The following SUFU variants were observed in gnomAD, a reference collection of about 807,000 sequenced individuals.
SUFU encodes SUFU negative regulator of hedgehog signaling.
In SUFU, 7 loss-of-function variants were observed where a neutral mutation model predicts 58.9. The ratio of observed to expected loss-of-function variants is 0.12; its 90% confidence interval spans 0.07 to 0.22. SUFU has a LOEUF of 0.22. SUFU is among the 10% of genes least tolerant of loss of function. SUFU has a pLI of 1.00. For synonymous variants in SUFU, 232 were observed against 254.8 expected (o/e 0.91, Z 0.85); for missense variants, 451 against 641.3 (o/e 0.70, Z 3.20).
chr10:102,536,315 T>C (rs1473575723), intron 2 of SUFU, among the ~76,000 whole-genome samples: 1 of 151,502 alleles, frequency 6.6e-6, no homozygotes, highest in Non-Finnish European at 1.5e-5. Context: ...ACAAAGAAGT[T>C]TGAAAAACAA....
intron 3 of SUFU, chr10:102,590,949 TATCAC>T (rs1444838891): frequency 2.0e-5 from 3 of 152,196 alleles, no homozygotes; most frequent in Admixed American, 1.3e-4. Context: ...TCCCCTGTAT[TATCAC>T]ATCTCAGATG....
At chr10:102,513,544 A>C (rs1052627074) in intron 2 of SUFU, among the ~76,000 whole-genome samples, 1 of 152,260 alleles carries the variant, frequency 6.6e-6, no homozygotes, top group Non-Finnish European at 1.5e-5. Context: ...AAACATGTAA[A>C]GATGGTTATA....
At chr10:102,554,201 G>A (rs746039941) in intron 3 of SUFU, among the ~76,000 whole-genome samples, 4 of 152,108 alleles carry the variant, frequency 2.6e-5, no homozygotes, top group Non-Finnish European at 5.9e-5. Flanking sequence ...TCAGGAGTTC[G>A]AGACCAGCCT....
At chr10:102,623,290 T>C (rs189240499) in intron 10 of SUFU, among the ~76,000 whole-genome samples, 137 of 152,380 alleles carry the variant, frequency 9.0e-4, no homozygotes, top group Middle Eastern at 3.4e-3. Context: ...TGTCAAGATA[T>C]ATGTATTCAC....
chr10:102,618,979 T>A (rs2063715907), intron 10 of SUFU: 1 of 999,108 alleles, frequency 1.0e-6, no homozygotes, highest in Non-Finnish European at 1.6e-6. Context: ...TGTGTGTGTG[T>A]AATGTTCAAG....
In SUFU at chr10:102,629,398, C is replaced by T. The variant is rs2063817498; in HGVS notation, c.1366-668C>T. Among the ~76,000 whole-genome samples, 1 of 152,168 alleles carries T rather than the reference C, an allele frequency of 6.6e-6. No individual in the cohort carries two copies. The highest frequency in any genetic ancestry group is 2.4e-5 in the African/African-American group (1 of 41,442). On this transcript the variant is annotated intron_variant, in intron 11 of 11. Coordinates refer to ENST00000369902, the MANE Select transcript of SUFU (RefSeq NM_016169.4). This position sits in a 1 kb window ranked among gnomAD's most constrained non-coding sequence, Gnocchi z 4.7. ...TGGGAGACATTTGGCTCTCCTTGGC[C>T]ACCACTGGGACCACTCTGAGGCTGG...
chr10:102,597,528 C>T (rs2063475722), intron 7 of SUFU, among the ~76,000 whole-genome samples: 1 of 152,210 alleles, frequency 6.6e-6, no homozygotes, highest in Non-Finnish European at 1.5e-5. Flanking sequence ...CAGCAGGCAC[C>T]GTTGTGTTTT....
chr10:102,505,368 A>T (rs1456094298), intron 1 of SUFU, among the ~76,000 whole-genome samples: 1 of 152,198 alleles, frequency 6.6e-6, no homozygotes, highest in Admixed American at 6.5e-5. Context: ...GCTGGACCAA[A>T]AACTGAGATA....
intron 2 of SUFU, among the ~76,000 whole-genome samples, chr10:102,515,473 G>A (rs1208975027): frequency 2.0e-5 from 3 of 151,948 alleles, no homozygotes; most frequent in Non-Finnish European, 4.4e-5. Flanking sequence ...ATGCCACCAT[G>A]CCTGGCTAAT....
intron 2 of SUFU, among the ~76,000 whole-genome samples, chr10:102,542,855 G>C (rs1056326170): frequency 6.6e-6 from 1 of 151,928 alleles, no homozygotes; most frequent in Admixed American, 6.6e-5. Context: ...GAATTCCTGG[G>C]CTCAAGCAAT....
At chr10:102,530,071 A>G (rs1030134822) in intron 2 of SUFU, among the ~76,000 whole-genome samples, 1 of 152,126 alleles carries the variant, frequency 6.6e-6, no homozygotes, top group Non-Finnish European at 1.5e-5. Context: ...TTCTTCTCCC[A>G]GTTTTACAGA....
chr10:102,629,973 C>A lies in SUFU; in HGVS notation c.1366-93C>A. On this transcript the variant is annotated intron_variant, in intron 11 of 11. Coordinates refer to ENST00000369902, the MANE Select transcript of SUFU (RefSeq NM_016169.4). The surrounding 1 kb of genome is among the most constrained non-coding windows in gnomAD (Gnocchi z 4.7). ...CTCCCGCGGCCTGTCCTATCCCTAG[C>A]TCCCCGGGGACAGGCCTGGGCAATC... The A allele has an allele frequency of 1.7e-6, 2 of 1,188,664 alleles. No individual in the cohort carries two copies. The highest frequency in any genetic ancestry group is 2.5e-6 in the Non-Finnish European group (2 of 791,932). 73.6% of individuals were successfully genotyped at this position (1,188,664 alleles called of 1,614,324 possible).
chr10:102,544,418 A>C (rs1210427802), intron 2 of SUFU, among the ~76,000 whole-genome samples: 1 of 152,178 alleles, frequency 6.6e-6, no homozygotes. Flanking sequence ...TCCATCTCCC[A>C]GGCCAGGCAC....
intron 8 of SUFU, among the ~76,000 whole-genome samples, chr10:102,614,627 G>A (rs2063664611): frequency 6.6e-6 from 1 of 150,804 alleles, no homozygotes; most frequent in Non-Finnish European, 1.5e-5. Context: ...TATAATCCCA[G>A]CACTTTGGGA....
intron 3 of SUFU, among the ~76,000 whole-genome samples, chr10:102,565,192 T>A (rs956282794): frequency 6.6e-6 from 1 of 152,232 alleles, no homozygotes; most frequent in African/African-American, 2.4e-5. Flanking sequence ...GTAACAAGAA[T>A]GATATGGCCC....
chr10:102,600,403 C>T (rs2063504842), intron 8 of SUFU, among the ~76,000 whole-genome samples: 2 of 152,176 alleles, frequency 1.3e-5, no homozygotes, highest in Admixed American at 1.3e-4. Context: ...CTGACAAGCT[C>T]GGACCTAGGG....
chr10:102,587,242 TG>T (rs2063343731), intron 3 of SUFU, among the ~76,000 whole-genome samples: 1 of 152,186 alleles, frequency 6.6e-6, no homozygotes, highest in Non-Finnish European at 1.5e-5. Context: ...CTGGATCATA[TG>T]GTAATTCTGT....
intron 8 of SUFU, among the ~76,000 whole-genome samples, chr10:102,611,695 C>A (rs927553164): frequency 1.3e-5 from 2 of 152,246 alleles, no homozygotes; most frequent in Non-Finnish European, 2.9e-5. Flanking sequence ...ACATCCCAGG[C>A]ACTATTGGCC....
chr10:102,554,394 ACT>A (rs1474824560), intron 3 of SUFU, among the ~76,000 whole-genome samples: 1 of 152,086 alleles, frequency 6.6e-6, no homozygotes, highest in South Asian at 2.1e-4. Flanking sequence ...CAAGAGCAAA[ACT>A]CTGTCTCAAA....
Sources: gnomAD v4.1 joint callset for allele counts (sites outside exome capture counted in the v4.1 genomes callset) on GRCh38, gnomAD v4.1.1 for gene constraint, Gnocchi (gnomAD v3.1) non-coding constraint, MANE v1.5 for transcripts, NCBI Gene and HGNC (gene_info 2026-07-23, HGNC 2026-07-21) for gene names.